Variants in GREB1L observed in about 807,000 individuals in gnomAD.
The protein encoded by GREB1L is GREB1-like protein.
In GREB1L, 17 loss-of-function variants were observed where a neutral mutation model predicts 200.8. That is an observed-to-expected ratio of 0.08 (90% CI 0.06 to 0.13). The LOEUF is 0.13. Ranked by LOEUF, GREB1L falls within the 10% of genes least tolerant of loss-of-function variation. GREB1L has a pLI of 1.00. For missense variants in GREB1L, 1,657 were observed against 2,367.7 expected (o/e 0.70, Z 6.23); for synonymous variants, 789 against 893.0 (o/e 0.88, Z 2.08).
At chr18:21,352,454 G>A (rs2039447735) in intron 1 of GREB1L, among the ~76,000 whole-genome samples, 1 of 151,508 alleles carries the variant, frequency 6.6e-6, no homozygotes, top group African/African-American at 2.4e-5. Flanking sequence ...ATATATATAT[G>A]TTTTTTATGC....
chr18:21,337,063 T>C (rs1331711206), intron 1 of GREB1L, among the ~76,000 whole-genome samples: 2 of 152,246 alleles, frequency 1.3e-5, no homozygotes, highest in Non-Finnish European at 2.9e-5. Flanking sequence ...ATATCTCTTA[T>C]TACATAGTTG....
At chr18:21,519,759 A>G (rs2037547586) in intron 31 of GREB1L, among the ~76,000 whole-genome samples, 1 of 152,220 alleles carries the variant, frequency 6.6e-6, no homozygotes, top group African/African-American at 2.4e-5. Flanking sequence ...TTCCATGGCT[A>G]CTAAATGGAG....
At chr18:21,279,364 A>G (rs1461444476) in intron 1 of GREB1L, among the ~76,000 whole-genome samples, 1 of 152,142 alleles carries the variant, frequency 6.6e-6, no homozygotes, top group Non-Finnish European at 1.5e-5. Context: ...ATCTAATTAT[A>G]TGCCTAAATT....
At chr18:21,296,625 A>G (rs780156007) in intron 1 of GREB1L, among the ~76,000 whole-genome samples, 23 of 151,838 alleles carry the variant, frequency 1.5e-4, no homozygotes, top group Non-Finnish European at 3.4e-4. Flanking sequence ...AAAATACAAC[A>G]GCACCCCAAT....
intron 15 of GREB1L, among the ~76,000 whole-genome samples, chr18:21,464,825 G>T (rs1185409900): frequency 6.6e-6 from 1 of 152,170 alleles, no homozygotes; most frequent in Non-Finnish European, 1.5e-5. Context: ...TCCAGATGAT[G>T]TGGCATCTTA....
intron 6 of GREB1L, among the ~76,000 whole-genome samples, chr18:21,403,633 A>G (rs1215972032): frequency 6.6e-6 from 1 of 152,232 alleles, no homozygotes; most frequent in African/African-American, 2.4e-5. Context: ...GGGAACTAGT[A>G]TGTAGGGAAC....
At chr18:21,327,084 C>T (rs1483062223) in intron 1 of GREB1L, among the ~76,000 whole-genome samples, 6 of 152,138 alleles carry the variant, frequency 3.9e-5, no homozygotes, top group African/African-American at 9.7e-5. Flanking sequence ...AGGATTCCTT[C>T]GGAAAAGAAG....
At chr18:21,427,785 A>C (rs1280601275) in intron 7 of GREB1L, among the ~76,000 whole-genome samples, 1 of 152,188 alleles carries the variant, frequency 6.6e-6, no homozygotes, top group Non-Finnish European at 1.5e-5. Context: ...GGATCATGTC[A>C]TCTGCAAATA....
chr18:21,429,401 G>A (rs1339573685), intron 7 of GREB1L, among the ~76,000 whole-genome samples: 1 of 149,840 alleles, frequency 6.7e-6, no homozygotes, highest in African/African-American at 2.5e-5. Context: ...GGAGTGCAGT[G>A]GTGTGATCAT....
At position 21,330,506 on chromosome 18, in the gene GREB1L, A is replaced by G. The variant is rs561084850; in HGVS notation, c.-119-35521A>G. On this transcript the variant is annotated intron_variant, in intron 1 of 32. Coordinates refer to ENST00000424526, the MANE Select transcript of GREB1L (RefSeq NM_001142966.3). ...TTTCCATTTCGTGTTGATTGCTTTG[A>G]ATGTAGAGCCCAGCTTGCATTTTCT... is the stretch of plus-strand genomic sequence containing the variant. 2.0e-5 allele frequency among the ~76,000 whole-genome samples: 3 copies of G among 152,258 alleles called. No individual in the cohort carries two copies. The East Asian group carries it at 5.8e-4, about 29-fold the overall frequency.
intron 5 of GREB1L, among the ~76,000 whole-genome samples, chr18:21,397,953 A>T (rs1177089416): frequency 6.6e-6 from 1 of 152,204 alleles, no homozygotes; most frequent in East Asian, 1.9e-4. Context: ...GCTGTAGTAG[A>T]ACAACTTCAG....
intron 1 of GREB1L, among the ~76,000 whole-genome samples, chr18:21,279,713 G>A (rs922375884): frequency 6.3e-4 from 96 of 151,986 alleles, no homozygotes; most frequent in Middle Eastern, 3.2e-3. Context: ...TCACAGGATC[G>A]ATCATCACGC....
intron 1 of GREB1L, among the ~76,000 whole-genome samples, chr18:21,253,229 A>G (rs991235790): frequency 1.3e-5 from 2 of 151,340 alleles, no homozygotes; most frequent in Admixed American, 6.6e-5. Flanking sequence ...CAGCTAATAT[A>G]GAGAAAACAT....
intron 18 of GREB1L, among the ~76,000 whole-genome samples, chr18:21,489,286 C>A (rs1468066670): frequency 6.6e-6 from 1 of 152,098 alleles, no homozygotes; most frequent in African/African-American, 2.4e-5. Flanking sequence ...CTTGACGGAG[C>A]CAGGTCTCAG....
At chr18:21,268,520 T>TACACACACAC (rs1223067944) in intron 1 of GREB1L, among the ~76,000 whole-genome samples, 6 of 75,006 alleles carry the variant, frequency 8.0e-5, no homozygotes, top group Non-Finnish European at 1.4e-4. Flanking sequence ...TGTATATATA[T>TACACACACAC]ATACACACAC....
chr18:21,393,658 T>C (rs2040922694), intron 4 of GREB1L, among the ~76,000 whole-genome samples: 1 of 152,166 alleles, frequency 6.6e-6, no homozygotes. Flanking sequence ...CTCGATCTCC[T>C]GACCTCATGA....
intron 15 of GREB1L, among the ~76,000 whole-genome samples, chr18:21,467,324 A>T (rs1033731750): frequency 6.6e-6 from 1 of 152,250 alleles, no homozygotes; most frequent in African/African-American, 2.4e-5. Flanking sequence ...GAATGGGAGA[A>T]ACTATTTGGA....
chr18:21,295,729 G>C (rs1352207144), intron 1 of GREB1L, among the ~76,000 whole-genome samples: 2 of 152,120 alleles, frequency 1.3e-5, no homozygotes, highest in African/African-American at 4.8e-5. Flanking sequence ...TCCTCCTGGA[G>C]GTCTTTCAAG....
intron 2 of GREB1L, among the ~76,000 whole-genome samples, chr18:21,366,979 G>C (rs566502180): frequency 1.3e-5 from 2 of 152,266 alleles, no homozygotes; most frequent in South Asian, 4.1e-4. Context: ...GGAGGCAGAA[G>C]AAAGAGAACT....
Sources: allele counts gnomAD v4.1 joint callset (sites outside exome capture counted in the v4.1 genomes callset), GRCh38; gene constraint gnomAD v4.1.1; transcripts MANE v1.5; gene names NCBI Gene and HGNC (gene_info 2026-07-23, HGNC 2026-07-21).